Variants in STX8 observed in about 807,000 individuals in gnomAD.
The protein encoded by STX8 is syntaxin-8.
STX8 carries 23 observed loss-of-function variants against 37.5 expected under a neutral mutation model. The observed-to-expected ratio is 0.61, with a 90% CI of 0.44 to 0.87. The LOEUF (loss-of-function observed/expected upper bound fraction) is 0.87, where lower values mean the gene tolerates loss of function less well. Ranked by LOEUF, STX8 falls within the 40% of genes least tolerant of loss-of-function variation. The pLI, the probability that STX8 is intolerant of heterozygous loss-of-function variation, is 0.00. For missense variants in STX8, 313 were observed against 284.7 expected, an observed-to-expected ratio of 1.10 and a Z score of -0.71; for synonymous variants, 115 against 99.1, an observed-to-expected ratio of 1.16 and a Z score of -0.95.
At chr17:9,381,123 T>C (rs1911800656) in intron 6 of STX8, among the ~76,000 whole-genome samples, 1 of 152,206 alleles carries the variant, frequency 6.6e-6, no homozygotes, top group African/African-American at 2.4e-5. Flanking sequence ...TGCAGCAGGC[T>C]TTACCATCTA....
At chr17:9,342,566 G>A (rs1910398474) in intron 7 of STX8, among the ~76,000 whole-genome samples, 1 of 152,178 alleles carries the variant, frequency 6.6e-6, no homozygotes, top group Admixed American at 6.5e-5. Context: ...GAACAGTGGT[G>A]CCAAACACAA....
chr17:9,333,668 C>A (rs1039758318), intron 7 of STX8, among the ~76,000 whole-genome samples: 1 of 152,198 alleles, frequency 6.6e-6, no homozygotes, highest in Non-Finnish European at 1.5e-5. Flanking sequence ...GGATTACAGG[C>A]GTGAGCCACG....
At chr17:9,570,092 A>G (rs1907624626) in intron 1 of STX8, 1 of 152,180 alleles carries the variant, frequency 6.6e-6, no homozygotes, top group African/African-American at 2.4e-5. Context: ...ATCACAAAAT[A>G]TCAGAAACTC....
chr17:9,572,933 T>C (rs1394452285), intron 1 of STX8, among the ~76,000 whole-genome samples: 2 of 152,192 alleles, frequency 1.3e-5, no homozygotes, highest in Non-Finnish European at 2.9e-5. Flanking sequence ...TCCACCAATC[T>C]AAATAGATAA....
chr17:9,377,101 T>C (rs1376933053), intron 7 of STX8, among the ~76,000 whole-genome samples: 1 of 152,006 alleles, frequency 6.6e-6, no homozygotes, highest in Admixed American at 6.6e-5. Flanking sequence ...CTCACCCCAT[T>C]GTTCTAGCCT....
At chr17:9,320,380 C>A (rs993006097) in intron 7 of STX8, among the ~76,000 whole-genome samples, 4 of 151,242 alleles carry the variant, frequency 2.6e-5, no homozygotes, top group Admixed American at 6.6e-5. Context: ...TAAAACATGG[C>A]ATGGTTTGAA....
chr17:9,280,616 A>C (rs998476592), intron 7 of STX8, among the ~76,000 whole-genome samples: 1 of 152,230 alleles, frequency 6.6e-6, no homozygotes, highest in Admixed American at 6.6e-5. Flanking sequence ...AAAAATGGAC[A>C]GAACGACTTT....
At chr17:9,346,474 C>T (rs1326037029) in intron 7 of STX8, among the ~76,000 whole-genome samples, 1 of 152,194 alleles carries the variant, frequency 6.6e-6, no homozygotes, top group African/African-American at 2.4e-5. Context: ...TGAGAAGTAC[C>T]ACGGAAAGAA....
chr17:9,306,014 A>G (rs1186964640), intron 7 of STX8, among the ~76,000 whole-genome samples: 2 of 152,104 alleles, frequency 1.3e-5, no homozygotes, highest in Non-Finnish European at 2.9e-5. Context: ...AAGTGCTGGG[A>G]TGACAGCCAT....
intron 7 of STX8, among the ~76,000 whole-genome samples, chr17:9,269,246 G>A (rs980997500): frequency 1.3e-5 from 2 of 151,902 alleles, no homozygotes; most frequent in Non-Finnish European, 2.9e-5. Context: ...AGAGTGGAAA[G>A]ACTGGGAAAT....
At chr17:9,286,673 G>A (rs553657431) in intron 7 of STX8, among the ~76,000 whole-genome samples, 4 of 132,028 alleles carry the variant, frequency 3.0e-5, no homozygotes, top group African/African-American at 1.1e-4. Context: ...TTGCTTCAGG[G>A]AACAAAGGGA....
intron 6 of STX8, among the ~76,000 whole-genome samples, chr17:9,394,657 G>A (rs781238198): frequency 6.6e-6 from 1 of 151,392 alleles, no homozygotes; most frequent in Admixed American, 6.6e-5. Context: ...GAGCCACCGC[G>A]CCTGGCCGAA....
chr17:9,553,789 T>G (rs541538565), intron 3 of STX8: 5 of 152,248 alleles, frequency 3.3e-5, no homozygotes, highest in Non-Finnish European at 7.3e-5. Flanking sequence ...AGAATTCTAG[T>G]TGAAGACATG....
intron 6 of STX8, among the ~76,000 whole-genome samples, chr17:9,486,208 T>A (rs1462146224): frequency 1.3e-5 from 2 of 152,116 alleles, no homozygotes; most frequent in African/African-American, 2.4e-5. Flanking sequence ...CAAACAGCAT[T>A]TCCCAATAAA....
At chr17:9,436,346 CAA>C (rs59912421) in intron 6 of STX8, among the ~76,000 whole-genome samples, 21 of 113,798 alleles carry the variant, frequency 1.8e-4, no homozygotes, top group Non-Finnish European at 2.2e-4. Context: ...GCCTCCATCG[CAA>C]AAAAAAAAAA....
At chr17:9,427,221 C>T (rs1257869058) in intron 6 of STX8, among the ~76,000 whole-genome samples, 1 of 152,014 alleles carries the variant, frequency 6.6e-6, no homozygotes, top group African/African-American at 2.4e-5. Context: ...TGTGGCAGAC[C>T]CGTTCCCAGG....
rs190334206 is a variant in STX8 at position 9,278,895 on chromosome 17, A to G, written c.644-28250T>C. Among the ~76,000 whole-genome samples the G allele has an allele frequency of 3.8e-3, 574 of 151,918 alleles. 3 individuals are homozygous for G. Among genetic ancestry groups the G allele is most frequent in the African/African-American group, 0.014 (557 of 41,228 alleles). ...AAGGGAGGACTCTGGCTCTGTCACTATCTGATGAGGACAGCAGCAGAGTGA... is the reference window on the plus strand; with the variant it reads ...AAGGGAGGACTCTGGCTCTGTCACTGTCTGATGAGGACAGCAGCAGAGTGA... On this transcript the variant is annotated intron_variant, in intron 7 of 7. Coordinates refer to ENST00000306357, the MANE Select transcript of STX8 (RefSeq NM_004853.3).
rs1904862744 is a variant in STX8, at chr17:9,507,007, G to A, written c.324-1845C>T. 6.6e-6 allele frequency among the ~76,000 whole-genome samples: 1 copy of A among 151,912 alleles called. No individual in the cohort carries two copies. Among genetic ancestry groups the A allele is most frequent in the Non-Finnish European group, 1.5e-5 (1 of 67,956 alleles). Reference sequence around the variant, plus strand: ...CTGTGACTCTGGTCCTGCAATGAAGGGAAACCACCCTCTGCACTTTCAGCC... The same window carrying A: ...CTGTGACTCTGGTCCTGCAATGAAGAGAAACCACCCTCTGCACTTTCAGCC... On this transcript the variant is annotated intron_variant, in intron 4 of 7. Transcript: ENST00000306357. The surrounding 1 kb of genome is among the most constrained non-coding windows in gnomAD (Gnocchi z 4.0).
intron 7 of STX8, among the ~76,000 whole-genome samples, chr17:9,375,064 A>G (rs1911536232): frequency 1.2e-5 from 1 of 82,884 alleles, no homozygotes; most frequent in African/African-American, 5.1e-5. Flanking sequence ...ACTCTGTCTC[A>G]AAAAAAAAAA....
Sources: gnomAD v4.1 joint callset for allele counts (sites outside exome capture counted in the v4.1 genomes callset) on GRCh38, gnomAD v4.1.1 for gene constraint, Gnocchi (gnomAD v3.1) non-coding constraint, MANE v1.5 for transcripts, NCBI Gene and HGNC (gene_info 2026-07-23, HGNC 2026-07-21) for gene names.